ABCC1: variants seen among roughly 807,000 people sequenced by gnomAD.
ABCC1 encodes the protein multidrug resistance-associated protein 1.
ABCC1 carries 83 observed loss-of-function variants against 172.9 expected under a neutral mutation model. That is an observed-to-expected ratio of 0.48 (90% CI 0.40 to 0.58). The LOEUF is 0.58. ABCC1 is among the 20% of genes least tolerant of loss of function. The pLI, the probability that ABCC1 is intolerant of heterozygous loss-of-function variation, is 0.00. For synonymous variants in ABCC1, 937 were observed against 825.2 expected (o/e 1.14, Z -2.32); for missense variants, 1,817 against 2,002.7 (o/e 0.91, Z 1.77).
chr16:16,093,173 G>A (rs2051321142), intron 19 of ABCC1, among the ~76,000 whole-genome samples: 1 of 151,648 alleles, frequency 6.6e-6, no homozygotes, highest in Non-Finnish European at 1.5e-5. Flanking sequence ...CTCAGCCCGA[G>A]CAATGCATTG....
At position 16,090,539 on chromosome 16, in the gene ABCC1, C is replaced by T; in HGVS notation, c.2595C>T (p.Phe865=). The change falls in exon 19 of 31, where the codon TTC becomes TTT. Residue 865 remains phenylalanine, a synonymous_variant. Transcript: ENST00000399410. ...CTCGAGACGGCGCCTTCGCTGAGTTCCTGCGTACCTATGCCAGCACAGAGC... is the reference window on the plus strand; with the variant it reads ...CTCGAGACGGCGCCTTCGCTGAGTTTCTGCGTACCTATGCCAGCACAGAGC... ...LLARDGAFAE[F]LRTYASTEQE... 6.2e-7 allele frequency: 1 copy of T among 1,613,496 alleles called. No homozygotes were observed. The highest frequency in any genetic ancestry group is 8.5e-7 in the Non-Finnish European group (1 of 1,179,730).
At chr16:16,134,217 A>G (rs2045823872) in intron 27 of ABCC1, 133 bp from the exon 28 acceptor site, 1 of 1,111,982 alleles carries the variant, frequency 9.0e-7, no homozygotes, top group Non-Finnish European at 1.3e-6. Flanking sequence ...GGCAGCGCGC[A>G]AGGGAGAGGG....
rs2046120891 is a variant in ABCC1 at position 16,141,374 on chromosome 16, A to C, written c.*93A>C. 8.4e-7 allele frequency: 1 copy of C among 1,195,498 alleles called. No individual in the cohort carries two copies. The highest frequency in any genetic ancestry group is 1.2e-6 in the Non-Finnish European group (1 of 831,432). 74.1% of individuals were successfully genotyped at this position (1,195,498 alleles called of 1,614,324 possible). On this transcript the variant is annotated 3_prime_UTR_variant, in exon 31 of 31. Coordinates refer to ENST00000399410, the MANE Select transcript of ABCC1 (RefSeq NM_004996.4). ...ACCCCTGGTAAACCAAGCCTCCCAC[A>C]CTGAAACCAAAACATAAAAACCAAA...
At chr16:16,085,759 GAC>G (rs1345543722) in intron 17 of ABCC1, among the ~76,000 whole-genome samples, 1 of 152,206 alleles carries the variant, frequency 6.6e-6, no homozygotes, top group African/African-American at 2.4e-5. Flanking sequence ...CAGCCTGGGC[GAC>G]AGAGTGAGAT....
intron 19 of ABCC1, among the ~76,000 whole-genome samples, chr16:16,100,162 C>T (rs2051663066): frequency 6.6e-6 from 1 of 152,124 alleles, no homozygotes; most frequent in African/African-American, 2.4e-5. Context: ...GCGCTTGGTC[C>T]TCCTCCGTGC....
At chr16:16,086,765 A>C (rs944039938) in intron 17 of ABCC1, 59 bp from the exon 18 acceptor site, 4 of 1,583,852 alleles carry the variant, frequency 2.5e-6, no homozygotes, top group Non-Finnish European at 3.4e-6. Flanking sequence ...GCCTGCTTCT[A>C]CGTATTGTGA....
At chr16:16,095,487 A>G (rs1295055931) in intron 19 of ABCC1, among the ~76,000 whole-genome samples, 1 of 152,150 alleles carries the variant, frequency 6.6e-6, no homozygotes, top group Admixed American at 6.5e-5. Flanking sequence ...GTCGCTAAAC[A>G]TCCTACAGCA....
intron 2 of ABCC1, among the ~76,000 whole-genome samples, chr16:16,008,680 T>C (rs541881933): frequency 2.6e-5 from 4 of 151,570 alleles, no homozygotes; most frequent in Non-Finnish European, 5.9e-5. Context: ...CTGTCTCTAC[T>C]AAAAATACAA....
intron 1 of ABCC1, among the ~76,000 whole-genome samples, chr16:15,978,919 A>C (rs1179774228): frequency 6.6e-6 from 1 of 152,170 alleles, no homozygotes; most frequent in Non-Finnish European, 1.5e-5. Context: ...CTAAAACGTC[A>C]GTAGTGTTGA....
At chr16:16,070,262 GGAGGCT>G (rs1051321134) in intron 13 of ABCC1, among the ~76,000 whole-genome samples, 4 of 152,028 alleles carry the variant, frequency 2.6e-5, no homozygotes, top group Non-Finnish European at 4.4e-5. Context: ...TGACTACATG[GGAGGCT>G]GAGGCAGAAG....
chr16:16,088,045 A>G (rs2051082725), intron 18 of ABCC1, among the ~76,000 whole-genome samples: 1 of 152,226 alleles, frequency 6.6e-6, no homozygotes, highest in African/African-American at 2.4e-5. Flanking sequence ...TTTGAAAATT[A>G]CTAAGTAATA....
intron 1 of ABCC1, among the ~76,000 whole-genome samples, chr16:15,993,670 G>A (rs1176282304): frequency 7.1e-6 from 1 of 139,974 alleles, no homozygotes; most frequent in Non-Finnish European, 1.5e-5. Flanking sequence ...CTGCTTGAGG[G>A]CACACATCTG....
chr16:16,091,404 C>CAG (rs1555497177), intron 19 of ABCC1, among the ~76,000 whole-genome samples: 1 of 108,682 alleles, frequency 9.2e-6, no homozygotes, highest in Non-Finnish European at 1.8e-5. Context: ...CCCAACTCTA[C>CAG]AAAAAAAAAA....
chr16:15,979,785 A>G (rs1013524479), intron 1 of ABCC1, among the ~76,000 whole-genome samples: 10 of 152,166 alleles, frequency 6.6e-5, no homozygotes, highest in African/African-American at 2.4e-4. Flanking sequence ...AACATTAGAT[A>G]TTTTTATCAC....
chr16:16,128,712 T>C (rs1236711456), intron 26 of ABCC1, among the ~76,000 whole-genome samples: 2 of 152,174 alleles, frequency 1.3e-5, no homozygotes, highest in African/African-American at 2.4e-5. Context: ...AAAAAATCAA[T>C]ACAGGGCTGG....
chr16:16,014,756 C>T (rs1158010599), intron 4 of ABCC1, 128 bp downstream of exon 4: 3 of 1,126,910 alleles, frequency 2.7e-6, no homozygotes, highest in African/African-American at 1.6e-5. Context: ...ATGCACCTAG[C>T]TTCTCCCTTG....
intron 5 of ABCC1, among the ~76,000 whole-genome samples, chr16:16,018,158 C>T (rs1315926215): frequency 6.6e-6 from 1 of 152,138 alleles, no homozygotes; most frequent in Non-Finnish European, 1.5e-5. Context: ...TGGCCTAAAC[C>T]TCTGTGAGGG....
chr16:16,005,497 G>T (rs1026958504), intron 1 of ABCC1, among the ~76,000 whole-genome samples: 1 of 152,034 alleles, frequency 6.6e-6, no homozygotes, highest in African/African-American at 2.4e-5. Context: ...ACAGGCATGC[G>T]CCACCATGCC....
chr16:16,037,950 G>C (rs904807611), intron 7 of ABCC1, among the ~76,000 whole-genome samples: 4 of 152,182 alleles, frequency 2.6e-5, no homozygotes, highest in African/African-American at 9.6e-5. Context: ...GCATTGTAAG[G>C]AAATGGCCCA....
Sources: allele counts gnomAD v4.1 joint callset (sites outside exome capture counted in the v4.1 genomes callset), GRCh38; gene constraint gnomAD v4.1.1; transcripts MANE v1.5; gene names NCBI Gene and HGNC (gene_info 2026-07-23, HGNC 2026-07-21).